FYB1: variants seen among roughly 807,000 people sequenced by gnomAD.
FYB1 encodes the protein FYN-binding protein 1.
In FYB1, 41 loss-of-function variants were observed where a neutral mutation model predicts 94.1. That is an observed-to-expected ratio of 0.44 (90% CI 0.34 to 0.57). The LOEUF (loss-of-function observed/expected upper bound fraction) is 0.57. Ranked by LOEUF, FYB1 falls within the 20% of genes least tolerant of loss-of-function variation. The pLI is 0.02. For synonymous variants in FYB1, 367 were observed against 353.2 expected, an observed-to-expected ratio of 1.04 and a Z score of -0.44; for missense variants, 1,050 against 976.8, an observed-to-expected ratio of 1.07 and a Z score of -1.00.
intron 1 of FYB1, among the ~76,000 whole-genome samples, chr5:39,231,746 G>T (rs1028765376): frequency 1.3e-5 from 2 of 152,034 alleles, no homozygotes; most frequent in African/African-American, 4.8e-5. Context: ...GGTGCAGAGA[G>T]CTATTTCTCT....
chr5:39,205,656 A>G (rs981952335), intron 1 of FYB1, among the ~76,000 whole-genome samples: 21 of 152,132 alleles, frequency 1.4e-4, no homozygotes, highest in Admixed American at 1.4e-3. Flanking sequence ...GAAAATATGG[A>G]AGTGGTAGAT....
intron 2 of FYB1, among the ~76,000 whole-genome samples, chr5:39,198,813 A>G (rs1215566456): frequency 1.3e-5 from 2 of 152,148 alleles, no homozygotes; most frequent in Non-Finnish European, 2.9e-5. Context: ...ATAAGGATGT[A>G]ACCCGATCAC....
At chr5:39,257,641 G>C (rs953537093) in intron 1 of FYB1, among the ~76,000 whole-genome samples, 1 of 152,070 alleles carries the variant, frequency 6.6e-6, no homozygotes, top group Admixed American at 6.6e-5. Flanking sequence ...TAGAAATCAA[G>C]GGAGTCAAGC....
intron 1 of FYB1, among the ~76,000 whole-genome samples, chr5:39,218,248 G>A (rs1418394390): frequency 1.3e-5 from 2 of 152,192 alleles, no homozygotes; most frequent in Non-Finnish European, 2.9e-5. Context: ...TAACGCCTTT[G>A]ATATTCAGGA....
intron 1 of FYB1, among the ~76,000 whole-genome samples, chr5:39,211,471 G>T (rs113682201): frequency 6.6e-6 from 1 of 151,780 alleles, no homozygotes; most frequent in South Asian, 2.1e-4. Context: ...ACAGGCGCCC[G>T]CCACCACGCC....
chr5:39,270,439 A>T, intron 1 of FYB1: 1 of 736,854 alleles, frequency 1.4e-6, no homozygotes, highest in Non-Finnish European at 2.1e-6. Context: ...ACAAGGAAAA[A>T]GTGGCCAAGC....
At position 39,160,999 on chromosome 5, in the gene FYB1, C is replaced by T. The variant is rs78202594; in HGVS notation, c.1136-7395G>A. Among the ~76,000 whole-genome samples the T allele has an allele frequency of 5.2e-3, 791 of 152,314 alleles. 3 individuals are homozygous for T. The highest frequency in any genetic ancestry group is 0.018 in the African/African-American group (758 of 41,572). On this transcript the variant is annotated intron_variant, in intron 2 of 18. Coordinates refer to ENST00000512982, the MANE Select transcript of FYB1 (RefSeq NM_001465.6). The stretch of plus-strand genomic sequence containing the variant: ...GCAAGATTTAAAAAAACTGCCTGCC[C>T]TTTTGAAGTGTGGTGTGGCTGTCCT...
intron 9 of FYB1, among the ~76,000 whole-genome samples, chr5:39,132,837 A>G (rs566690780): frequency 6.6e-6 from 1 of 152,330 alleles, no homozygotes; most frequent in African/African-American, 2.4e-5. Context: ...CATTGGTAAT[A>G]TGCTTGACAT....
intron 16 of FYB1, among the ~76,000 whole-genome samples, chr5:39,112,704 A>G (rs190345984): frequency 2.0e-5 from 3 of 152,214 alleles, no homozygotes; most frequent in Admixed American, 6.5e-5. Context: ...AAAGTTAATC[A>G]TTCATGATAG....
chr5:39,256,698 G>T (rs1751955368), intron 1 of FYB1, among the ~76,000 whole-genome samples: 1 of 152,092 alleles, frequency 6.6e-6, no homozygotes, highest in African/African-American at 2.4e-5. Context: ...CCCCTTCTCT[G>T]CCTCCTAGAT....
rs377083362 is a variant in FYB1, at chr5:39,228,860, A to C, written c.-27-25873T>G. ...TTGGTTCTGAGAGCTAATAAATTTT[A>C]AAACACAATTAGAGTATTACAGTTG... On this transcript the variant is annotated intron_variant, in intron 1 of 1. Coordinates refer to the FYB1 transcript ENST00000510188. Among the ~76,000 whole-genome samples, 203 of 152,322 alleles carry C rather than the reference A, an allele frequency of 1.3e-3. 1 individual carries two copies. The highest frequency in any genetic ancestry group is 1.4e-3 in the Non-Finnish European group (98 of 68,028).
At chr5:39,141,665 T>G (rs1742195854) in intron 3 of FYB1, among the ~76,000 whole-genome samples, 1 of 152,048 alleles carries the variant, frequency 6.6e-6, no homozygotes, top group Admixed American at 6.6e-5. Context: ...TTATGGTTTT[T>G]GACATAAAAC....
intron 2 of FYB1, among the ~76,000 whole-genome samples, chr5:39,161,370 G>A (rs1744234115): frequency 6.6e-6 from 1 of 151,936 alleles, no homozygotes; most frequent in East Asian, 1.9e-4. Context: ...AATATAGGAG[G>A]GAATGCTGAA....
intron 12 of FYB1, among the ~76,000 whole-genome samples, chr5:39,124,736 C>T (rs1381020054): frequency 6.6e-6 from 1 of 151,902 alleles, no homozygotes; most frequent in African/African-American, 2.4e-5. Flanking sequence ...GACCATGTTT[C>T]CCAATATGTG....
At chr5:39,181,023 T>G (rs1746176604) in intron 2 of FYB1, among the ~76,000 whole-genome samples, 1 of 152,174 alleles carries the variant, frequency 6.6e-6, no homozygotes, top group Non-Finnish European at 1.5e-5. Context: ...AAGCACACAG[T>G]TCAAAGGTGT....
At chr5:39,124,988 G>T (rs1429160622) in intron 12 of FYB1, among the ~76,000 whole-genome samples, 1 of 150,308 alleles carries the variant, frequency 6.7e-6, no homozygotes, top group Non-Finnish European at 1.5e-5. Context: ...AAAGAATGGT[G>T]CACAGAACAG....
chr5:39,200,023 T>G (rs1748172600), intron 2 of FYB1, among the ~76,000 whole-genome samples: 1 of 152,178 alleles, frequency 6.6e-6, no homozygotes, highest in South Asian at 2.1e-4. Flanking sequence ...GAGAACAGGA[T>G]ACATTTTGGA....
At chr5:39,265,460 G>A (rs1312161323) in intron 1 of FYB1, among the ~76,000 whole-genome samples, 2 of 151,128 alleles carry the variant, frequency 1.3e-5, no homozygotes, top group Non-Finnish European at 3.0e-5. Flanking sequence ...CTCCAGCCTG[G>A]GCGACAGAGC....
chr5:39,171,029 T>C (rs572698824), intron 2 of FYB1, among the ~76,000 whole-genome samples: 1 of 152,314 alleles, frequency 6.6e-6, no homozygotes, highest in South Asian at 2.1e-4. Flanking sequence ...GACTCACACC[T>C]GTAATCCCAG....
Sources: allele counts gnomAD v4.1 joint callset (sites outside exome capture counted in the v4.1 genomes callset), GRCh38; gene constraint gnomAD v4.1.1; transcripts MANE v1.5; gene names NCBI Gene and HGNC (gene_info 2026-07-23, HGNC 2026-07-21).